CCDC146: variants seen among roughly 807,000 people sequenced by gnomAD.
The protein encoded by CCDC146 is coiled-coil domain-containing protein 146.
In CCDC146, 92 loss-of-function variants were observed where a neutral mutation model predicts 119.3. The ratio of observed to expected loss-of-function variants is 0.77; its 90% CI spans 0.65 to 0.92. The LOEUF (loss-of-function observed/expected upper bound fraction) is 0.92, where lower values mean the gene tolerates loss of function less well. Ranked by LOEUF, CCDC146 falls within the 40% of genes least tolerant of loss-of-function variation. The pLI, the probability that CCDC146 is intolerant of heterozygous loss-of-function variation, is 0.00. For missense variants in CCDC146, 1,000 were observed against 1,103.0 expected (o/e 0.91, Z 1.32); for synonymous variants, 372 against 371.8 (o/e 1.00, Z -0.01).
intron 1 of CCDC146, among the ~76,000 whole-genome samples, chr7:77,150,200 A>G (rs1308098390): frequency 2.0e-5 from 3 of 152,080 alleles, no homozygotes; most frequent in Non-Finnish European, 4.4e-5. Flanking sequence ...AAAAGTGTGA[A>G]CCACAAAAGA....
intron 2 of CCDC146, among the ~76,000 whole-genome samples, chr7:77,176,069 G>A (rs1335670535): frequency 1.3e-5 from 2 of 151,274 alleles, no homozygotes; most frequent in Admixed American, 6.6e-5. Context: ...CATATACACA[G>A]GGTCCACTAT....
chr7:77,224,858 CTCAG>C (rs1792475005), intron 2 of CCDC146, among the ~76,000 whole-genome samples: 1 of 152,134 alleles, frequency 6.6e-6, no homozygotes. Context: ...TAAGGAAGTC[CTCAG>C]TCAGTTTACT....
At position 77,282,728 on chromosome 7, in the gene CCDC146, G is replaced by A; in HGVS notation, c.2091G>A (p.Gln697=). The change falls in exon 15 of 19, where the codon CAG becomes CAA. Residue 697 remains glutamine (Q), a synonymous_variant. Transcript: ENST00000285871. ...AGCAAAGACAAATTTGTGTGACCCA[G>A]AAATTACTGCCAGCCAAGAGGTCCC... The part of the protein sequence containing the change: ...AEKQRQICVT[Q]KLLPAKRSLD... The A allele has an allele frequency of 1.9e-6, 3 of 1,614,202 alleles. No homozygotes were observed. The highest frequency in any genetic ancestry group is 1.6e-4 in the Middle Eastern group (1 of 6,062).
At chr7:77,143,760 GT>G (rs1372154140) in intron 1 of CCDC146, among the ~76,000 whole-genome samples, 2 of 151,694 alleles carry the variant, frequency 1.3e-5, no homozygotes, top group African/African-American at 4.9e-5. Context: ...GCTCTGTTCT[GT>G]TCCATTGGTC....
intron 9 of CCDC146, among the ~76,000 whole-genome samples, chr7:77,264,806 G>A (rs909636843): frequency 1.1e-4 from 16 of 151,994 alleles, no homozygotes; most frequent in Non-Finnish European, 1.6e-4. Context: ...ATTAATCAAC[G>A]TTTCATATAG....
chr7:77,268,480 A>T (rs1373564370), intron 9 of CCDC146, among the ~76,000 whole-genome samples: 1 of 152,156 alleles, frequency 6.6e-6, no homozygotes, highest in African/African-American at 2.4e-5. Context: ...CCATTTCTGT[A>T]TGTGCTTACT....
rs1038169540 is a variant in CCDC146 at position 77,230,811 on chromosome 7, C to A, written c.157-6136C>A. Among the ~76,000 whole-genome samples, 7 of 152,020 alleles carry A rather than the reference C, an allele frequency of 4.6e-5. No homozygotes were observed. In the South Asian group the frequency reaches 1.4e-3, roughly 31 times the overall value. On this transcript the variant is annotated intron_variant, in intron 2 of 18. Coordinates refer to ENST00000285871, the MANE Select transcript of CCDC146 (RefSeq NM_020879.3). ...TAAGTTTGTTTTCTGTTCTCTTTTT[C>A]TCTAGTTCTCCCATTACTTGTAATT...
At chr7:77,160,410 G>T (rs1791243234) in intron 1 of CCDC146, among the ~76,000 whole-genome samples, 1 of 152,160 alleles carries the variant, frequency 6.6e-6, no homozygotes, top group African/African-American at 2.4e-5. Context: ...AGCATGGAAT[G>T]TTCTTCCATT....
intron 3 of CCDC146, among the ~76,000 whole-genome samples, chr7:77,241,180 C>T: frequency 6.7e-6 from 1 of 149,306 alleles, no homozygotes; most frequent in Non-Finnish European, 1.5e-5. Context: ...GCCTCAGCCT[C>T]CCGAGTAGCT....
In CCDC146 at chr7:77,196,059, A is replaced by C; in HGVS notation, c.156+28235A>C. The C allele has an allele frequency of 2.0e-6, 1 of 491,394 alleles. No individual in the cohort carries two copies. Among genetic ancestry groups the C allele is most frequent in the Non-Finnish European group, 3.6e-6 (1 of 279,824 alleles). 30.4% of individuals were successfully genotyped at this position (491,394 alleles called of 1,614,324 possible). ...TAATGTATAATTCTCAATATTGCTA[A>C]TTGCTTGCAAGTGTTCATTGGATAA... On this transcript the variant is annotated intron_variant, in intron 2 of 18. Transcript: ENST00000285871. The surrounding 1 kb of genome is among the most constrained non-coding windows in gnomAD (Gnocchi z 4.2).
At chr7:77,209,210 C>G (rs895306437) in intron 2 of CCDC146, among the ~76,000 whole-genome samples, 3 of 152,204 alleles carry the variant, frequency 2.0e-5, no homozygotes, top group Non-Finnish European at 4.4e-5. Flanking sequence ...CTAGTTACTT[C>G]CAAGATACAT....
At chr7:77,178,007 A>G (rs1393057061) in intron 2 of CCDC146, among the ~76,000 whole-genome samples, 7 of 152,258 alleles carry the variant, frequency 4.6e-5, no homozygotes, top group Non-Finnish European at 8.8e-5. Context: ...GCACTTAAAT[A>G]TTTGAGATAT....
intron 2 of CCDC146, among the ~76,000 whole-genome samples, chr7:77,211,591 C>T (rs1294317507): frequency 6.6e-6 from 1 of 151,806 alleles, no homozygotes; most frequent in African/African-American, 2.4e-5. Flanking sequence ...TGTGCTGCTT[C>T]TATTTTATTT....
At position 77,274,504 on chromosome 7, in the gene CCDC146, C is replaced by G. The variant is rs1223010054; in HGVS notation, c.1292C>G (p.Ser431Cys). Residue 431 changes from serine to cysteine, a missense_variant, in exon 11 of 19, where the codon TCT becomes TGT. By Grantham distance (112) the Ser-to-Cys change is moderately radical. Transcript: ENST00000285871. ...AQQKIISEME[S>C]KLVEQQLAEE... ...AAGAAAATTATATCAGAAATGGAGTCTAAGTTAGTAGAACAACAACTTGCA... is the reference window on the plus strand; with the variant it reads ...AAGAAAATTATATCAGAAATGGAGTGTAAGTTAGTAGAACAACAACTTGCA... 1.3e-6 allele frequency: 2 copies of G among 1,588,314 alleles called. No individual in the cohort carries two copies. Among genetic ancestry groups the G allele is most frequent in the African/African-American group, 2.7e-5 (2 of 73,090 alleles).
Position 77,174,399 on chromosome 7 carries a change from T to C in CCDC146, c.156+6575T>C, listed in dbSNP as rs529108695. On this transcript the variant is annotated intron_variant, in intron 2 of 18. Transcript: ENST00000285871. ...CTGCAGCAGCAGAGGTTCTGATCCTTGTGGAGCAGGGCTACCCCATAGGCA... is the reference window on the plus strand; with the variant it reads ...CTGCAGCAGCAGAGGTTCTGATCCTCGTGGAGCAGGGCTACCCCATAGGCA... 1.3e-4 allele frequency among the ~76,000 whole-genome samples: 20 copies of C among 152,340 alleles called. No individual in the cohort carries two copies. The South Asian group carries it at 3.9e-3, about 30-fold the overall frequency.
At chr7:77,274,454 T>C (rs1242511299) in intron 10 of CCDC146, 28 bp from the exon 11 acceptor site, 1 of 1,362,174 alleles carries the variant, frequency 7.3e-7, no homozygotes, top group East Asian at 2.5e-5. Flanking sequence ...AAATAACTTA[T>C]AATATTATCT....
At chr7:77,284,074 C>T (rs1793807973) in intron 15 of CCDC146, among the ~76,000 whole-genome samples, 1 of 152,214 alleles carries the variant, frequency 6.6e-6, no homozygotes, top group African/African-American at 2.4e-5. Flanking sequence ...CCTGCACACA[C>T]AGTGCCTGTG....
In CCDC146 at chr7:77,196,739, T is replaced by C; in HGVS notation, c.156+28915T>C. 1 of 1,614,218 alleles carries C rather than the reference T, an allele frequency of 6.2e-7. No homozygotes were observed. The highest frequency in any genetic ancestry group is 8.5e-7 in the Non-Finnish European group (1 of 1,180,026). ...ACTCTTGGTCAGAAGATGAATTTTA[T>C]CGTTCCCCAGCCAAAATTCCCTTCT... On this transcript the variant is annotated intron_variant, in intron 2 of 18. Coordinates refer to ENST00000285871, the MANE Select transcript of CCDC146 (RefSeq NM_020879.3). The surrounding 1 kb of genome is among the most constrained non-coding windows in gnomAD (Gnocchi z 4.2).
intron 2 of CCDC146, among the ~76,000 whole-genome samples, chr7:77,213,151 C>T (rs117842122): frequency 0.027 from 4,160 of 151,856 alleles, 173 homozygotes; most frequent in East Asian, 0.14. Context: ...AGTGCAGTGG[C>T]GCAATTACAG....
Sources: gnomAD v4.1 joint callset for allele counts (sites outside exome capture counted in the v4.1 genomes callset) on GRCh38, gnomAD v4.1.1 for gene constraint, Gnocchi (gnomAD v3.1) non-coding constraint, MANE v1.5 for transcripts, NCBI Gene and HGNC (gene_info 2026-07-23, HGNC 2026-07-21) for gene names.